Variants in VPS53 observed in about 807,000 individuals in gnomAD.
VPS53 encodes vacuolar protein sorting-associated protein 53 homolog.
A neutral mutation model predicts 107.0 loss-of-function variants in VPS53; 70 were observed. The observed-to-expected ratio is 0.65, with a 90% CI of 0.54 to 0.80. The LOEUF (loss-of-function observed/expected upper bound fraction) is 0.80. Among genes scored for constraint, VPS53 ranks in the 30% least tolerant of loss-of-function variants. VPS53 has a pLI of 0.00. For missense variants in VPS53, 917 were observed against 1,049.4 expected (o/e 0.87, Z 1.74); for synonymous variants, 409 against 393.3 (o/e 1.04, Z -0.47).
chr17:577,202 T>C (rs1313876907), intron 13 of VPS53, among the ~76,000 whole-genome samples: 1 of 150,808 alleles, frequency 6.6e-6, no homozygotes, highest in African/African-American at 2.4e-5. Flanking sequence ...AGGACGTCAA[T>C]GCGTTCCCAG....
chr17:598,722 C>T (rs147049164), intron 12 of VPS53, among the ~76,000 whole-genome samples: 16,285 of 106,304 alleles, frequency 0.15, 1,570 homozygotes, highest in South Asian at 0.25. Context: ...ACCCTCTGCC[C>T]GGCAACCGCC....
At chr17:547,778 T>C (rs919267269) in intron 17 of VPS53, among the ~76,000 whole-genome samples, 4 of 152,116 alleles carry the variant, frequency 2.6e-5, no homozygotes, top group Admixed American at 6.6e-5. Context: ...GCTGGGACTA[T>C]AGGTGTGTGC....
intron 3 of VPS53, among the ~76,000 whole-genome samples, chr17:698,475 C>G (rs577783491): frequency 8.1e-4 from 123 of 151,194 alleles, no homozygotes; most frequent in African/African-American, 2.5e-3. Context: ...GAGACTGAGG[C>G]AGGCAGATTG....
chr17:596,990 C>T (rs923694853), intron 12 of VPS53, among the ~76,000 whole-genome samples: 6 of 152,180 alleles, frequency 3.9e-5, no homozygotes, highest in Non-Finnish European at 7.3e-5. Context: ...TCGAACCGCT[C>T]GGATCACCAG....
At chr17:713,663 AAAAAGAAAAAAAG>A (rs201463713) in intron 1 of VPS53, among the ~76,000 whole-genome samples, 2,267 of 151,868 alleles carry the variant, frequency 0.015, 22 homozygotes, top group Middle Eastern at 0.031. Flanking sequence ...GAAAACAAAA[AAAAAGAAAAAAAG>A]AAAAGAAAAA....
chr17:707,329 CTGGCCAACA>C (rs1973445294), intron 2 of VPS53, among the ~76,000 whole-genome samples: 2 of 152,090 alleles, frequency 1.3e-5, no homozygotes, highest in African/African-American at 4.8e-5. Context: ...TGAGACCAGC[CTGGCCAACA>C]TGGTGAAACC....
intron 18 of VPS53, chr17:536,825 C>T: frequency 3.4e-6 from 2 of 585,814 alleles, no homozygotes; most frequent in Non-Finnish European, 2.9e-6. Context: ...CGTGTTGATG[C>T]AGGTTCATCC....
rs755203896 is a variant in VPS53 at position 519,095 on chromosome 17, C to T, written c.*33G>A. Reference sequence around the variant, plus strand: ...CTTCTGGGGAACGGGCGCTGAGGGTCTCCAGCCAGGAGCAAAGGGCCCCTT... The same window carrying T: ...CTTCTGGGGAACGGGCGCTGAGGGTTTCCAGCCAGGAGCAAAGGGCCCCTT... On this transcript the variant is annotated 3_prime_UTR_variant, in exon 22 of 22. Transcript: ENST00000437048. This position sits in a 1 kb window ranked among gnomAD's most constrained non-coding sequence, Gnocchi z 5.0. 2.4e-5 allele frequency: 35 copies of T among 1,472,270 alleles called. No individual in the cohort carries two copies. In the South Asian group the frequency reaches 4.7e-4, roughly 20 times the overall value. The allele number at this position is 1,472,270 out of a possible 1,614,324, so 91.2% of individuals were successfully genotyped here.
Position 643,624 on chromosome 17 carries a change from C to G in VPS53, c.608+9667G>C, listed in dbSNP as rs62056512. Among the ~76,000 whole-genome samples, 219 of 77,100 alleles carry G rather than the reference C, an allele frequency of 2.8e-3. 2 individuals are homozygous for G. Among genetic ancestry groups the G allele is most frequent in the Non-Finnish European group, 3.8e-3 (141 of 37,432 alleles). The allele number at this position is 77,100 out of a possible 152,430, so 50.6% of individuals were successfully genotyped here. On this transcript the variant is annotated intron_variant, in intron 7 of 21. Coordinates refer to ENST00000437048, the MANE Select transcript of VPS53 (RefSeq NM_001128159.3). ...CGAGGACAACACTCATACTTGGAAA[C>G]CGAGGACAACACTCATACTTGGAAA...
At chr17:533,306 G>A (rs531708536) in intron 18 of VPS53, among the ~76,000 whole-genome samples, 2 of 152,150 alleles carry the variant, frequency 1.3e-5, no homozygotes, top group African/African-American at 2.4e-5. Context: ...GCAGGATTTC[G>A]TTATGCTGCC....
intron 11 of VPS53, among the ~76,000 whole-genome samples, chr17:608,081 C>T (rs1183635549): frequency 6.6e-6 from 1 of 152,196 alleles, no homozygotes; most frequent in African/African-American, 2.4e-5. Flanking sequence ...ATGCTTTACT[C>T]CAGCCCAATT....
At chr17:557,820 G>GCTATAT (rs573597926) in intron 15 of VPS53, among the ~76,000 whole-genome samples, 325 of 149,770 alleles carry the variant, frequency 2.2e-3, no homozygotes, top group African/African-American at 7.6e-3. Context: ...CATTTAAGAT[G>GCTATAT]CTATATTCAG....
chr17:566,984 G>A (rs1449369239), intron 13 of VPS53, among the ~76,000 whole-genome samples: 3 of 151,946 alleles, frequency 2.0e-5, no homozygotes, highest in Non-Finnish European at 4.4e-5. Flanking sequence ...CTGACCTAGT[G>A]ATCGCCCGCC....
rs749531290 is a variant in VPS53, at chr17:714,739, C to T, written c.-30G>A. On this transcript the variant is annotated 5_prime_UTR_variant, in exon 1 of 22. Transcript: ENST00000437048. ...CCACCCGGCCCCCTGCCGACCCCCG[C>T]CGCGAGCCCAACTCAGGCCTCCAGC... 9.3e-6 allele frequency: 15 copies of T among 1,612,668 alleles called. No individual in the cohort carries two copies. The South Asian group carries it at 1.6e-4, about 18-fold the overall frequency.
At chr17:595,174 G>A (rs529987012) in intron 12 of VPS53, among the ~76,000 whole-genome samples, 58 of 109,168 alleles carry the variant, frequency 5.3e-4, no homozygotes, top group African/African-American at 1.8e-3. Context: ...ATGCACTCTA[G>A]TGTCCCCCTG....
intron 4 of VPS53, chr17:674,637 G>GGGAC (rs1215407153): frequency 2.6e-5 from 4 of 152,214 alleles, no homozygotes; most frequent in African/African-American, 9.7e-5. Context: ...CATACTGAGG[G>GGGAC]GGACCAAGCT....
intron 17 of VPS53, among the ~76,000 whole-genome samples, chr17:547,867 T>A (rs112491331): frequency 1.3e-5 from 2 of 152,126 alleles, no homozygotes; most frequent in South Asian, 2.1e-4. Context: ...TAACCTCAGA[T>A]GATTTGCACT....
At chr17:603,782 T>A (rs1597370107) in intron 11 of VPS53, among the ~76,000 whole-genome samples, 1 of 152,200 alleles carries the variant, frequency 6.6e-6, no homozygotes, top group East Asian at 1.9e-4. Flanking sequence ...GAAAGCAGTA[T>A]TTCTAAGCTT....
chr17:585,024 G>C (rs1967238398), intron 13 of VPS53, among the ~76,000 whole-genome samples: 1 of 152,184 alleles, frequency 6.6e-6, no homozygotes, highest in South Asian at 2.1e-4. Flanking sequence ...GCTTCCGTCA[G>C]GAATCAATCA....
Sources: allele counts gnomAD v4.1 joint callset (sites outside exome capture counted in the v4.1 genomes callset), GRCh38; gene constraint gnomAD v4.1.1; non-coding constraint Gnocchi (gnomAD v3.1); transcripts MANE v1.5; gene names NCBI Gene and HGNC (gene_info 2026-07-23, HGNC 2026-07-21).